ANXA11: variants seen among roughly 807,000 people sequenced by gnomAD.
The protein encoded by ANXA11 is 56 kDa autoantigen.
A neutral mutation model predicts 64.7 loss-of-function variants in ANXA11; 57 were observed. That is an observed-to-expected ratio of 0.88 (90% CI 0.71 to 1.10). The LOEUF is 1.10. ANXA11 is among the 50% of genes least tolerant of loss of function. ANXA11 has a pLI of 0.00. For synonymous variants in ANXA11, 260 were observed against 265.2 expected (o/e 0.98, Z 0.19); for missense variants, 675 against 670.7 (o/e 1.01, Z -0.07).
At chr10:80,156,786 G>A (rs897529808) in intron 15 of ANXA11, among the ~76,000 whole-genome samples, 3 of 152,206 alleles carry the variant, frequency 2.0e-5, no homozygotes, top group Non-Finnish European at 2.9e-5. Flanking sequence ...TTACAGGCGT[G>A]AGCCACTGTG....
At chr10:80,198,442 A>AGG (rs1840268892) in intron 1 of ANXA11, among the ~76,000 whole-genome samples, 1 of 152,378 alleles carries the variant, frequency 6.6e-6, no homozygotes, top group African/African-American at 2.4e-5. Context: ...CATGCAGTTA[A>AGG]GGGAGGCACC....
At chr10:80,191,532 A>C (rs1024781704) in intron 1 of ANXA11, among the ~76,000 whole-genome samples, 1 of 152,106 alleles carries the variant, frequency 6.6e-6, no homozygotes, top group Non-Finnish European at 1.5e-5. Context: ...CTCTGTGAAC[A>C]TGTCTACCTA....
chr10:80,192,866 G>C (rs1209936871), intron 1 of ANXA11, among the ~76,000 whole-genome samples: 2 of 152,136 alleles, frequency 1.3e-5, no homozygotes, highest in Non-Finnish European at 2.9e-5. Flanking sequence ...AGGCACACAA[G>C]CTTCAAAAAC....
In ANXA11 at chr10:80,157,629, G is replaced by A. The variant is rs1845324969; in HGVS notation, c.1458+12C>T. 1.2e-6 allele frequency: 2 copies of A among 1,609,568 alleles called. No individual in the cohort carries two copies. The highest frequency in any genetic ancestry group is 1.7e-6 in the Non-Finnish European group (2 of 1,177,084). On this transcript the variant is annotated intron_variant, in intron 15 of 15. Coordinates refer to ENST00000422982, the MANE Select transcript of ANXA11 (RefSeq NM_145868.2). The stretch of plus-strand genomic sequence containing the variant: ...CAAAAGGGAGCCCAGTTGGCCTGCA[G>A]CAGGCCCGTACCGAGATGTCGTGGT...
intron 1 of ANXA11, among the ~76,000 whole-genome samples, chr10:80,201,118 G>A (rs1266701629): frequency 6.6e-6 from 1 of 152,046 alleles, no homozygotes; most frequent in Non-Finnish European, 1.5e-5. Context: ...CTCACGTCCT[G>A]CTACTCCTCA....
intron 11 of ANXA11, among the ~76,000 whole-genome samples, chr10:80,162,716 C>G (rs1356393851): frequency 2.6e-5 from 4 of 152,208 alleles, no homozygotes; most frequent in Non-Finnish European, 4.4e-5. Context: ...CTGGCAGCTC[C>G]TGGTGAATGC....
chr10:80,167,101 C>G, intron 6 of ANXA11, 117 bp from the exon 7 acceptor site: 1 of 1,264,218 alleles, frequency 7.9e-7, no homozygotes, highest in Non-Finnish European at 1.1e-6. Flanking sequence ...ACCCCCACAT[C>G]CACCTTCTAT....
chr10:80,163,749 C>T (rs1845615940), intron 9 of ANXA11, 136 bp from the exon 10 acceptor site: 3 of 801,220 alleles, frequency 3.7e-6, no homozygotes, highest in Non-Finnish European at 6.1e-6. Flanking sequence ...ACAAATAGCC[C>T]ATATGGCCCT....
chr10:80,175,313 G>A (rs935136069), intron 2 of ANXA11, among the ~76,000 whole-genome samples: 4 of 152,170 alleles, frequency 2.6e-5, no homozygotes, highest in African/African-American at 9.7e-5. Context: ...AGCAGGAAGA[G>A]CCGGGATGGT....
At chr10:80,205,635 C>G (rs937294626), upstream of ANXA11, 7 of 152,208 alleles carry the variant, frequency 4.6e-5, no homozygotes, top group East Asian at 5.8e-4. Context: ...ACGGCGGGCC[C>G]GCGAGGAGCA....
chr10:80,173,575 A>C (rs1698502836), intron 2 of ANXA11, among the ~76,000 whole-genome samples: 1 of 151,712 alleles, frequency 6.6e-6, no homozygotes, highest in Admixed American at 6.6e-5. Flanking sequence ...CAGGTGAGAC[A>C]CCTGCTCTCA....
rs1250737514 is a variant in ANXA11, at chr10:80,167,398, A to G, written c.562-85T>C. On this transcript the variant is annotated intron_variant, in intron 5 of 15. Coordinates refer to ENST00000422982, the MANE Select transcript of ANXA11 (RefSeq NM_145868.2). ...GCTGCTCCACCCCTAGACTCTGGGA[A>G]CAGCCCTTTCTCTAAGAGTTGGAGT... 6 of 1,229,380 alleles carry G rather than the reference A, an allele frequency of 4.9e-6. No individual in the cohort carries two copies. In the Admixed American group the frequency reaches 1.1e-4, roughly 22 times the overall value. 76.2% of individuals were successfully genotyped at this position (1,229,380 alleles called of 1,614,324 possible).
chr10:80,161,560 G>A (rs1247662115), intron 12 of ANXA11, among the ~76,000 whole-genome samples: 1 of 152,272 alleles, frequency 6.6e-6, no homozygotes, highest in African/African-American at 2.4e-5. Context: ...ACCCATGCGG[G>A]AGCGCGATTT....
chr10:80,182,217 G>T (rs1433748211), intron 1 of ANXA11, among the ~76,000 whole-genome samples: 1 of 146,142 alleles, frequency 6.8e-6, no homozygotes. Flanking sequence ...GGGGGTGCAA[G>T]TGTGGGGGCA....
chr10:80,197,454 G>A (rs768652441), intron 1 of ANXA11, among the ~76,000 whole-genome samples: 2 of 152,114 alleles, frequency 1.3e-5, no homozygotes, highest in African/African-American at 2.4e-5. Flanking sequence ...CAGAGAATGG[G>A]GGTTGGCAAC....
chr10:80,164,186 C>T, intron 8 of ANXA11, 43 bp from the exon 9 acceptor site: 3 of 1,515,810 alleles, frequency 2.0e-6, no homozygotes, highest in Non-Finnish European at 2.7e-6. Flanking sequence ...CTTGTTCCAG[C>T]AGCCTCACCA....
Position 80,205,337 on chromosome 10 carries a change from A to G in ANXA11, c.-58+6T>C, listed in dbSNP as rs1199858411. The stretch of plus-strand genomic sequence containing the variant: ...GGCCCCCAGCCGGCTCGGGACCCTC[A>G]CTCACCTGGCCACGGGGACTCCGGA... On this transcript the variant is annotated splice_donor_region_variant and intron_variant, in intron 1 of 15. Coordinates refer to ENST00000422982, the MANE Select transcript of ANXA11 (RefSeq NM_145868.2). 4 of 151,352 alleles carry G rather than the reference A, an allele frequency of 2.6e-5. No individual in the cohort carries two copies. Among genetic ancestry groups the G allele is most frequent in the Non-Finnish European group, 5.9e-5 (4 of 67,824 alleles). The allele number at this position is 151,352 out of a possible 1,614,324, so 9.4% of individuals were successfully genotyped here.
chr10:80,155,694 G>C lies in ANXA11; in HGVS notation c.*159C>G, dbSNP rs1177269770. 4.1e-6 allele frequency: 3 copies of C among 728,164 alleles called. No homozygotes were observed. The highest frequency in any genetic ancestry group is 7.1e-6 in the Non-Finnish European group (3 of 423,088). 45.1% of individuals were successfully genotyped at this position (728,164 alleles called of 1,614,324 possible). A position where few individuals can be genotyped will look rare whatever the true frequency, so the allele number is the denominator to read the frequency against. ...GTTCTAGACCGACCCAGGTCCTGTG[G>C]CACACTATACGGGTCAGGAGGGGTG... On this transcript the variant is annotated 3_prime_UTR_variant, in exon 16 of 16. Transcript: ENST00000422982.
At chr10:80,163,307 T>G in intron 11 of ANXA11, 42 bp downstream of exon 11, 3 of 1,609,124 alleles carry the variant, frequency 1.9e-6, no homozygotes, top group Non-Finnish European at 2.5e-6. Context: ...GCGGGGTGCA[T>G]CCCTGCTTTA....
Sources: gnomAD v4.1 joint callset for allele counts (sites outside exome capture counted in the v4.1 genomes callset) on GRCh38, gnomAD v4.1.1 for gene constraint, MANE v1.5 for transcripts, NCBI Gene and HGNC (gene_info 2026-07-23, HGNC 2026-07-21) for gene names.